The following MAP4 variants were observed in gnomAD, a reference collection of about 807,000 sequenced individuals.
MAP4 encodes microtubule-associated protein 4.
Under a neutral mutation model 170.2 loss-of-function variants are expected in MAP4, and 76 were observed. The ratio of observed to expected loss-of-function variants is 0.45; its 90% CI spans 0.37 to 0.54. The LOEUF (loss-of-function observed/expected upper bound fraction) is 0.54. Ranked by LOEUF, MAP4 falls within the 20% of genes least tolerant of loss-of-function variation. MAP4 has a pLI of 0.00. For synonymous variants in MAP4, 909 were observed against 994.5 expected, an observed-to-expected ratio of 0.91 and a Z score of 1.62; for missense variants, 2,506 against 2,748.0, an observed-to-expected ratio of 0.91 and a Z score of 1.97.
At chr3:47,930,415 G>A (rs530623078) in intron 3 of MAP4, among the ~76,000 whole-genome samples, 9 of 149,404 alleles carry the variant, frequency 6.0e-5, no homozygotes, top group South Asian at 2.1e-4. Context: ...ACTGCAGTCC[G>A]CAGTCCGGCC....
At chr3:48,071,175 T>G (rs1338117189) in intron 1 of MAP4, among the ~76,000 whole-genome samples, 4 of 152,184 alleles carry the variant, frequency 2.6e-5, no homozygotes, top group Non-Finnish European at 4.4e-5. Context: ...TGCAAATGGT[T>G]TGTTACCCCC....
chr3:47,866,369 AAC>A (rs1465234630), intron 17 of MAP4, among the ~76,000 whole-genome samples: 3 of 151,522 alleles, frequency 2.0e-5, no homozygotes, highest in African/African-American at 7.3e-5. Flanking sequence ...CAAACAAACA[AAC>A]AAACAAAAAA....
intron 19 of MAP4, among the ~76,000 whole-genome samples, chr3:47,854,903 G>C (rs889296662): frequency 6.6e-6 from 1 of 152,258 alleles, no homozygotes; most frequent in Non-Finnish European, 1.5e-5. Context: ...AGACAGCTGG[G>C]GAGAACTGTG....
chr3:48,016,428 T>C (rs2100107864), upstream of MAP4: 1 of 152,196 alleles, frequency 6.6e-6, no homozygotes, highest in Non-Finnish European at 1.5e-5. Flanking sequence ...AATTTCAATC[T>C]ATTTCTCCAG....
At chr3:48,012,006 C>A (rs547549111) in intron 1 of MAP4, among the ~76,000 whole-genome samples, 24 of 152,258 alleles carry the variant, frequency 1.6e-4, no homozygotes, top group African/African-American at 5.8e-4. Context: ...ATCCTGAGAT[C>A]GGATTAAGAA....
chr3:48,036,629 A>G (rs1009813462), intron 1 of MAP4, among the ~76,000 whole-genome samples: 13 of 152,182 alleles, frequency 8.5e-5, no homozygotes, highest in Non-Finnish European at 2.9e-5. Flanking sequence ...TGTTCTTTCT[A>G]TGTAAACAGT....
intron 1 of MAP4, among the ~76,000 whole-genome samples, chr3:48,075,906 T>G (rs1579841785): frequency 7.5e-6 from 1 of 133,934 alleles, no homozygotes; most frequent in Non-Finnish European, 1.5e-5. Context: ...ACCCGGGAGG[T>G]GGAGGCTGCA....
chr3:47,865,849 G>A (rs1559813702), intron 17 of MAP4, among the ~76,000 whole-genome samples: 1 of 152,310 alleles, frequency 6.6e-6, no homozygotes, highest in South Asian at 2.1e-4. Context: ...CACTGTCACA[G>A]TGACAAGCGG....
intron 1 of MAP4, among the ~76,000 whole-genome samples, chr3:48,027,520 T>C (rs956470227): frequency 6.6e-6 from 1 of 152,114 alleles, no homozygotes; most frequent in Non-Finnish European, 1.5e-5. Context: ...AAATCAGTAA[T>C]CTTTGAATGA....
chr3:47,874,095 G>C (rs1178992922), intron 12 of MAP4, among the ~76,000 whole-genome samples: 1 of 152,240 alleles, frequency 6.6e-6, no homozygotes, highest in Non-Finnish European at 1.5e-5. Flanking sequence ...TGCAGTCCTG[G>C]TTTGGCCCCT....
At chr3:48,002,321 G>C (rs144451104) in intron 1 of MAP4, among the ~76,000 whole-genome samples, 50 of 151,374 alleles carry the variant, frequency 3.3e-4, no homozygotes, top group Admixed American at 7.2e-4. Flanking sequence ...AGCACTTTCA[G>C]AGGCTGAAGT....
chr3:48,011,662 A>G (rs2100105340), intron 1 of MAP4, among the ~76,000 whole-genome samples: 1 of 152,152 alleles, frequency 6.6e-6, no homozygotes, highest in Non-Finnish European at 1.5e-5. Flanking sequence ...CCTACTTTAC[A>G]TATAAAGTAT....
chr3:47,892,097 C>T (rs2100024338), intron 10 of MAP4: 1 of 1,536,050 alleles, frequency 6.5e-7, no homozygotes, highest in Admixed American at 2.0e-5. Context: ...CTCTATGAGT[C>T]CCAGATGGAA....
At chr3:48,029,087 G>A (rs1466204523) in intron 1 of MAP4, among the ~76,000 whole-genome samples, 11 of 151,824 alleles carry the variant, frequency 7.2e-5, no homozygotes, top group African/African-American at 2.4e-4. Context: ...TTGAGGATGA[G>A]TGAGTCGAAA....
At chr3:47,870,789 G>A in intron 15 of MAP4, 24 bp downstream of exon 15, 1 of 1,519,968 alleles carries the variant, frequency 6.6e-7, no homozygotes, top group South Asian at 1.3e-5. Context: ...CAGCATGCCA[G>A]GACCCCAAGC....
intron 2 of MAP4, among the ~76,000 whole-genome samples, chr3:47,979,100 T>C (rs1488717033): frequency 2.0e-5 from 3 of 152,088 alleles, no homozygotes; most frequent in Non-Finnish European, 1.5e-5. Context: ...AGAAGTCTTA[T>C]AGTTTTCATA....
Position 47,930,220 on chromosome 3 carries a change from T to C in MAP4, c.293-1870A>G, listed in dbSNP as rs866430543. Among the ~76,000 whole-genome samples the C allele has an allele frequency of 6.2e-5, 8 of 129,804 alleles. No homozygotes were observed. The East Asian group carries it at 9.2e-4, about 15-fold the overall frequency. 85.2% of individuals were successfully genotyped at this position (129,804 alleles called of 152,430 possible). On this transcript the variant is annotated intron_variant, in intron 3 of 20. Coordinates refer to ENST00000683076, the MANE Select transcript of MAP4 (RefSeq NM_001385682.1). ...CAGCACTTTGGGAGGCCGAGGCGGGTGGATCATGAGGTCAGGAGATCGAGA... is the reference window on the plus strand; with the variant it reads ...CAGCACTTTGGGAGGCCGAGGCGGGCGGATCATGAGGTCAGGAGATCGAGA...
intron 3 of MAP4, chr3:47,974,866 ATATC>A: frequency 1.0e-6 from 1 of 967,654 alleles, no homozygotes; most frequent in Non-Finnish European, 1.2e-6. Context: ...AAAACTTAAA[ATATC>A]TATCATTATT....
At chr3:47,937,739 GC>G (rs2100053855) in intron 3 of MAP4, among the ~76,000 whole-genome samples, 1 of 139,132 alleles carries the variant, frequency 7.2e-6, no homozygotes, top group African/African-American at 2.7e-5. Flanking sequence ...TCAGCTCACT[GC>G]AACCTCTGCC....
Sources: allele counts gnomAD v4.1 joint callset (sites outside exome capture counted in the v4.1 genomes callset), GRCh38; gene constraint gnomAD v4.1.1; transcripts MANE v1.5; gene names NCBI Gene and HGNC (gene_info 2026-07-23, HGNC 2026-07-21).